The following TMEM63A variants were observed in gnomAD, a reference collection of about 807,000 sequenced individuals.
TMEM63A encodes the protein mechanosensitive cation channel TMEM63A.
In TMEM63A, 76 loss-of-function variants were observed where a neutral mutation model predicts 100.6. That is an observed-to-expected ratio of 0.76 (90% CI 0.63 to 0.91). TMEM63A has a LOEUF of 0.91. TMEM63A is among the 40% of genes least tolerant of loss of function. TMEM63A has a pLI of 0.00. For missense variants in TMEM63A, 876 were observed against 1,008.8 expected (o/e 0.87, Z 1.78); for synonymous variants, 401 against 401.1 (o/e 1.00, Z 0.00).
At position 225,862,987 on chromosome 1, in the gene TMEM63A, T is replaced by A; in HGVS notation, c.747-136A>T. 1 of 770,050 alleles carries A rather than the reference T, an allele frequency of 1.3e-6. No individual in the cohort carries two copies. The highest frequency in any genetic ancestry group is 2.2e-6 in the Non-Finnish European group (1 of 458,464). The allele number at this position is 770,050 out of a possible 1,614,324, so 47.7% of individuals were successfully genotyped here. A position where few individuals can be genotyped will look rare whatever the true frequency, so the allele number is the denominator to read the frequency against. ...TGGTTTCTGTGCCAGCGGAGACCTC[T>A]CTTCTCTTTGTCTTTTATCCTCCAA... On this transcript the variant is annotated intron_variant, in intron 10 of 24. Transcript: ENST00000366835. The surrounding 1 kb of genome is among the most constrained non-coding windows in gnomAD (Gnocchi z 5.1).
At chr1:225,848,749 C>T in intron 22 of TMEM63A, 148 bp downstream of exon 22, 2 of 816,910 alleles carry the variant, frequency 2.4e-6, no homozygotes, top group Non-Finnish European at 3.9e-6. Context: ...GGCACCCAAC[C>T]ACCCACGCCT....
At chr1:225,843,232 G>C (rs1392355669), downstream of TMEM63A, among the ~76,000 whole-genome samples, 2 of 152,232 alleles carry the variant, frequency 1.3e-5, no homozygotes, top group Non-Finnish European at 2.9e-5. Context: ...AAGCGGCAGA[G>C]AGGGGAAATG....
intron 4 of TMEM63A, among the ~76,000 whole-genome samples, chr1:225,873,289 CAA>C (rs1670610719): frequency 6.6e-6 from 1 of 152,190 alleles, no homozygotes; most frequent in East Asian, 1.9e-4. Context: ...TCAGATGTCC[CAA>C]AAGTTTCTCT....
Position 225,853,835 on chromosome 1 carries a change from TGGAG to T in TMEM63A, c.1635-48_1635-45del. 1 of 1,524,600 alleles carries T rather than the reference TGGAG, an allele frequency of 6.6e-7. No individual in the cohort carries two copies. Among genetic ancestry groups the T allele is most frequent in the Non-Finnish European group, 8.8e-7 (1 of 1,135,760 alleles). 94.4% of individuals were successfully genotyped at this position (1,524,600 alleles called of 1,614,324 possible). A position where few individuals can be genotyped will look rare whatever the true frequency, so the allele number is the denominator to read the frequency against. ...AGGTCTGTGAGCTGAGAGCCGCTCTTGGAGGGAGAGGAGGGGCCCCTAGGCTGGG... is the reference window on the plus strand; with the variant it reads ...AGGTCTGTGAGCTGAGAGCCGCTCTTGGAGAGGAGGGGCCCCTAGGCTGGG... On this transcript the variant is annotated intron_variant, in intron 18 of 24. Transcript: ENST00000366835. This position sits in a 1 kb window ranked among gnomAD's most constrained non-coding sequence, Gnocchi z 4.0.
chr1:225,850,813 G>A (rs549074044), intron 20 of TMEM63A, among the ~76,000 whole-genome samples: 2 of 152,270 alleles, frequency 1.3e-5, no homozygotes, highest in South Asian at 4.1e-4. Context: ...CTGGGTTCAT[G>A]CCATTCTTCT....
chr1:225,874,395 A>G, intron 3 of TMEM63A, 28 bp from the exon 4 acceptor site: 3 of 1,598,908 alleles, frequency 1.9e-6, no homozygotes, highest in South Asian at 2.2e-5. Flanking sequence ...ACCAAGTAAA[A>G]GCATATTGGA....
Position 225,863,157 on chromosome 1 carries a change from A to C in TMEM63A, c.747-306T>G, listed in dbSNP as rs61137761. On this transcript the variant is annotated intron_variant, in intron 10 of 24. Transcript: ENST00000366835. Reference sequence around the variant, plus strand: ...TAGCCTCAACCTTCTGGGCTCAATCAATCCTCCCACCTCAGCCTCCTGAGT... The same window carrying C: ...TAGCCTCAACCTTCTGGGCTCAATCCATCCTCCCACCTCAGCCTCCTGAGT... The C allele has an allele frequency of 2.8e-3, 935 of 336,634 alleles. 13 individuals carry two copies. The highest frequency in any genetic ancestry group is 0.018 in the African/African-American group (866 of 47,346). 20.9% of individuals were successfully genotyped at this position (336,634 alleles called of 1,614,324 possible).
intron 1 of TMEM63A, among the ~76,000 whole-genome samples, chr1:225,881,802 TC>T: frequency 6.6e-6 from 1 of 151,694 alleles, no homozygotes; most frequent in Non-Finnish European, 1.5e-5. Flanking sequence ...CCCCCGCCCT[TC>T]CCCCCAGTCC....
chr1:225,877,784 G>C (rs1670885877), intron 2 of TMEM63A, 190 bp from the exon 3 acceptor site: 1 of 549,970 alleles, frequency 1.8e-6, no homozygotes, highest in Non-Finnish European at 3.2e-6. Context: ...GAGAATGGCT[G>C]CATTGTGGGA....
rs1015516339 is a variant in TMEM63A, at chr1:225,867,048, C to T, written c.566+64G>A. The T allele has an allele frequency of 1.9e-6, 3 of 1,582,360 alleles. No homozygotes were observed. Among genetic ancestry groups the T allele is most frequent in the Admixed American group, 1.7e-5 (1 of 59,994 alleles). Reference sequence around the variant, plus strand: ...TGGAGTACCTCTGGCCTGCCCCGGGCTCCTGACCTGCCTTCTCCTTGATCT... The same window carrying T: ...TGGAGTACCTCTGGCCTGCCCCGGGTTCCTGACCTGCCTTCTCCTTGATCT... On this transcript the variant is annotated intron_variant, in intron 8 of 24. Transcript: ENST00000366835. This position sits in a 1 kb window ranked among gnomAD's most constrained non-coding sequence, Gnocchi z 4.6.
intron 9 of TMEM63A, 137 bp from the exon 10 acceptor site, chr1:225,866,104 CG>C: frequency 4.6e-6 from 4 of 873,156 alleles, no homozygotes; most frequent in Admixed American, 2.1e-5. Context: ...CTTCTGTGGC[CG>C]GGGGAGCCCC....
rs1415402161 is a variant in TMEM63A at position 225,846,849 on chromosome 1, G to A, written c.*90C>T. ...GAAAAGATGGGCACCTGATAGCTCA[G>A]CTGGGCAGTCCCAACGCATTCCCAC... On this transcript the variant is annotated 3_prime_UTR_variant, in exon 25 of 25. Transcript: ENST00000366835. 2 of 636,914 alleles carry A rather than the reference G, an allele frequency of 3.1e-6. No individual in the cohort carries two copies. The highest frequency in any genetic ancestry group is 5.0e-6 in the Non-Finnish European group (2 of 400,588). The allele number at this position is 636,914 out of a possible 1,614,324, so 39.5% of individuals were successfully genotyped here. A position where few individuals can be genotyped will look rare whatever the true frequency, so the allele number is the denominator to read the frequency against.
At chr1:225,869,774 T>C (rs1469634749) in intron 6 of TMEM63A, among the ~76,000 whole-genome samples, 2 of 150,744 alleles carry the variant, frequency 1.3e-5, no homozygotes, top group Non-Finnish European at 3.0e-5. Context: ...GCGATTCTCC[T>C]GCCTCAGCCT....
At position 225,865,821 on chromosome 1, in the gene TMEM63A, G is replaced by A. The variant is rs1670173323; in HGVS notation, c.746+76C>T. 6.7e-7 allele frequency: 1 copy of A among 1,496,612 alleles called. No individual in the cohort carries two copies. Among genetic ancestry groups the A allele is most frequent in the East Asian group, 2.3e-5 (1 of 42,562 alleles). 92.7% of individuals were successfully genotyped at this position (1,496,612 alleles called of 1,614,324 possible). ...GAGAGACAGAAGGCGCTCACCTAAG[G>A]TGCTCGCCCTGCGGGTGGGGCTGTG... is the stretch of plus-strand genomic sequence containing the variant. On this transcript the variant is annotated intron_variant, in intron 10 of 24. Transcript: ENST00000366835. The surrounding 1 kb of genome is among the most constrained non-coding windows in gnomAD (Gnocchi z 4.6).
Position 225,856,741 on chromosome 1 carries a change from G to T in TMEM63A, c.1485-3C>A, listed in dbSNP as rs754168652. On this transcript the variant is annotated splice_polypyrimidine_tract_variant and splice_region_variant and intron_variant, in intron 16 of 24. Transcript: ENST00000366835. The stretch of plus-strand genomic sequence containing the variant: ...TCATGATCTGGTTTTCCCCCGACCT[G>T]CAGGAAGTCAAAGGTGAGCACTCGC... 9 of 1,612,954 alleles carry T rather than the reference G, an allele frequency of 5.6e-6. No homozygotes were observed. In the South Asian group the frequency reaches 8.8e-5, roughly 16 times the overall value.
At chr1:225,869,264 G>A (rs1033541492) in intron 6 of TMEM63A, among the ~76,000 whole-genome samples, 2 of 152,230 alleles carry the variant, frequency 1.3e-5, no homozygotes, top group African/African-American at 2.4e-5. Context: ...AGTCCTGTAC[G>A]TGGTATCAGC....
downstream of TMEM63A, chr1:225,844,350 G>GGATTTAGT: frequency 4.7e-6 from 6 of 1,278,924 alleles, no homozygotes; most frequent in Non-Finnish European, 6.8e-6. Flanking sequence ...CAGCCTGCCT[G>GGATTTAGT]TGACACGAGG....
chr1:225,874,499 G>A, intron 3 of TMEM63A, 132 bp from the exon 4 acceptor site: 2 of 719,074 alleles, frequency 2.8e-6, no homozygotes, highest in Non-Finnish European at 4.5e-6. Context: ...GCCCAGAGAG[G>A]GCACTGAAGT....
At position 225,862,441 on chromosome 1, in the gene TMEM63A, G is replaced by A. The variant is rs758282322; in HGVS notation, c.951+14C>T. On this transcript the variant is annotated intron_variant, in intron 12 of 24. Coordinates refer to ENST00000366835, the MANE Select transcript of TMEM63A (RefSeq NM_014698.3). This position sits in a 1 kb window ranked among gnomAD's most constrained non-coding sequence, Gnocchi z 5.1. The stretch of plus-strand genomic sequence containing the variant: ...CCAATGCCTCTGCTCCCAGCCGGGG[G>A]GTGGGACCCTTACCCACTCACAGCC... 1.2e-6 allele frequency: 2 copies of A among 1,613,980 alleles called. No homozygotes were observed. Among genetic ancestry groups the A allele is most frequent in the South Asian group, 1.1e-5 (1 of 91,076 alleles).
Sources: allele counts gnomAD v4.1 joint callset (sites outside exome capture counted in the v4.1 genomes callset), GRCh38; gene constraint gnomAD v4.1.1; non-coding constraint Gnocchi (gnomAD v3.1); transcripts MANE v1.5; gene names NCBI Gene and HGNC (gene_info 2026-07-23, HGNC 2026-07-21).